Variants in DLG2 observed in about 807,000 individuals in gnomAD.
The protein encoded by DLG2 is discs large MAGUK scaffold protein 2.
In DLG2, 45 loss-of-function variants were observed where a neutral mutation model predicts 132.5. The ratio of observed to expected loss-of-function variants is 0.34; its 90% confidence interval spans 0.27 to 0.44. The LOEUF is 0.44. Among genes scored for constraint, DLG2 ranks in the 20% least tolerant of loss-of-function variants. DLG2 has a pLI of 1.00. For synonymous variants in DLG2, 424 were observed against 419.6 expected (o/e 1.01, Z -0.13); for missense variants, 1,045 against 1,196.9 (o/e 0.87, Z 1.87).
At chr11:83,828,056 G>A (rs1008772350) in intron 17 of DLG2, among the ~76,000 whole-genome samples, 19 of 152,060 alleles carry the variant, frequency 1.2e-4, no homozygotes, top group African/African-American at 4.3e-4. Context: ...GGGGATAAGG[G>A]GTAGGCCTGG....
intron 7 of DLG2, among the ~76,000 whole-genome samples, chr11:84,362,705 T>A (rs1275076329): frequency 6.6e-6 from 1 of 152,020 alleles, no homozygotes; most frequent in South Asian, 2.1e-4. Flanking sequence ...TTCCCCTTCC[T>A]GTGTCCATGT....
intron 2 of DLG2, among the ~76,000 whole-genome samples, chr11:85,619,070 AG>A (rs2081530001): frequency 6.6e-6 from 1 of 152,236 alleles, no homozygotes; most frequent in Non-Finnish European, 1.5e-5. Flanking sequence ...AAACACAAAA[AG>A]TATTCTTCTA....
chr11:84,136,767 T>C (rs1012243680), intron 9 of DLG2, among the ~76,000 whole-genome samples: 1 of 152,172 alleles, frequency 6.6e-6, no homozygotes, highest in Non-Finnish European at 1.5e-5. Flanking sequence ...GGGAAGTAGA[T>C]AATAGTACTT....
intron 12 of DLG2, among the ~76,000 whole-genome samples, chr11:83,967,820 C>T (rs1051703976): frequency 7.2e-5 from 11 of 152,238 alleles, no homozygotes; most frequent in Middle Eastern, 3.4e-3. Flanking sequence ...AGCTTTTCCC[C>T]TATGTTCTTT....
intron 15 of DLG2, among the ~76,000 whole-genome samples, chr11:83,889,364 C>A (rs1216468936): frequency 2.0e-5 from 3 of 152,066 alleles, no homozygotes; most frequent in African/African-American, 4.8e-5. Flanking sequence ...AAATGCTCAC[C>A]ATCACTGGCC....
At chr11:83,994,789 C>A (rs1341150666) in intron 11 of DLG2, among the ~76,000 whole-genome samples, 2 of 152,006 alleles carry the variant, frequency 1.3e-5, no homozygotes, top group South Asian at 2.1e-4. Flanking sequence ...GCTAGAAGAC[C>A]AAGATCAAGG....
intron 3 of DLG2, among the ~76,000 whole-genome samples, chr11:85,371,204 A>G (rs1028130461): frequency 6.6e-6 from 1 of 152,190 alleles, no homozygotes; most frequent in Non-Finnish European, 1.5e-5. Context: ...AAGAGCTGAA[A>G]TGTTCATGAA....
At chr11:84,278,988 C>T (rs1319019963) in intron 7 of DLG2, among the ~76,000 whole-genome samples, 1 of 152,036 alleles carries the variant, frequency 6.6e-6, no homozygotes, top group South Asian at 2.1e-4. Flanking sequence ...AACTAAAGAG[C>T]TTCTGCACAG....
intron 11 of DLG2, among the ~76,000 whole-genome samples, chr11:84,055,695 C>G (rs1175331964): frequency 6.6e-6 from 1 of 152,086 alleles, no homozygotes; most frequent in Non-Finnish European, 1.5e-5. Context: ...GCTTAAGTGA[C>G]ACTTGCTTAC....
intron 6 of DLG2, among the ~76,000 whole-genome samples, chr11:84,632,032 AC>A (rs1399765640): frequency 6.6e-6 from 1 of 152,178 alleles, no homozygotes; most frequent in Non-Finnish European, 1.5e-5. Flanking sequence ...TCACTGCCAC[AC>A]CCCAGGCTTT....
intron 17 of DLG2, among the ~76,000 whole-genome samples, chr11:83,833,104 G>A (rs775216764): frequency 6.6e-6 from 1 of 152,142 alleles, no homozygotes; most frequent in Non-Finnish European, 1.5e-5. Flanking sequence ...TTTGAGGGAA[G>A]TAAGTGCCAC....
At chr11:83,467,404 G>A (rs1165369728) in intron 25 of DLG2, among the ~76,000 whole-genome samples, 1 of 152,078 alleles carries the variant, frequency 6.6e-6, no homozygotes, top group African/African-American at 2.4e-5. Flanking sequence ...TACATATCCT[G>A]TCTGCAAGGT....
intron 8 of DLG2, among the ~76,000 whole-genome samples, chr11:84,187,660 G>A (rs544026948): frequency 4.8e-4 from 73 of 152,044 alleles, no homozygotes; most frequent in Middle Eastern, 3.4e-3. Context: ...ATTGTCATCA[G>A]CAAAATCTGC....
At chr11:84,027,291 TAA>T (rs956327089) in intron 11 of DLG2, among the ~76,000 whole-genome samples, 11 of 152,116 alleles carry the variant, frequency 7.2e-5, no homozygotes, top group African/African-American at 2.4e-4. Context: ...ACTCCTACAG[TAA>T]AGTTTTGGCA....
chr11:84,502,788 A>T (rs2099224994), intron 7 of DLG2, among the ~76,000 whole-genome samples: 1 of 152,062 alleles, frequency 6.6e-6, no homozygotes, highest in African/African-American at 2.4e-5. Flanking sequence ...CCCTTTAAGG[A>T]TCTTACTTTT....
At chr11:84,203,789 A>G (rs1328820756) in intron 8 of DLG2, among the ~76,000 whole-genome samples, 1 of 152,024 alleles carries the variant, frequency 6.6e-6, no homozygotes. Flanking sequence ...GGTGTGGGTG[A>G]CAGGAGGGAA....
intron 6 of DLG2, among the ~76,000 whole-genome samples, chr11:84,550,779 G>A (rs923215620): frequency 6.6e-6 from 1 of 152,144 alleles, no homozygotes; most frequent in Non-Finnish European, 1.5e-5. Context: ...TATCTAGCGT[G>A]TTATATGCTA....
At chr11:85,226,243 T>C (rs2074967923) in intron 4 of DLG2, among the ~76,000 whole-genome samples, 1 of 150,958 alleles carries the variant, frequency 6.6e-6, no homozygotes, top group Non-Finnish European at 1.5e-5. Context: ...TTATTAGACA[T>C]GTGGGTGGAT....
intron 6 of DLG2, among the ~76,000 whole-genome samples, chr11:85,015,432 T>G (rs549128375): frequency 6.7e-6 from 1 of 149,322 alleles, no homozygotes; most frequent in Non-Finnish European, 1.5e-5. Flanking sequence ...AAAAAAAACT[T>G]GGCAAAACAG....
Sources: allele counts gnomAD v4.1 joint callset (sites outside exome capture counted in the v4.1 genomes callset), GRCh38; gene constraint gnomAD v4.1.1; transcripts MANE v1.5; gene names NCBI Gene and HGNC (gene_info 2026-07-23, HGNC 2026-07-21).